The following LPA variants were observed in gnomAD, a reference collection of about 807,000 sequenced individuals.
LPA encodes apolipoprotein(a).
Under a neutral mutation model 197.9 loss-of-function variants are expected in LPA, and 199 were observed. The ratio of observed to expected loss-of-function variants is 1.01; its 90% CI spans 0.90 to 1.13. The LOEUF is 1.13. Among genes scored for constraint, LPA ranks in the 50% most tolerant of loss-of-function variants. The pLI is 0.00. For missense variants in LPA, 1,853 were observed against 1,785.8 expected (o/e 1.04, Z -0.68); for synonymous variants, 715 against 639.5 (o/e 1.12, Z -1.78).
chr6:160,564,047 G>A lies in LPA; in HGVS notation c.4632-6476C>T, dbSNP rs1176530921. Among the ~76,000 whole-genome samples, 3 of 152,050 alleles carry A rather than the reference G, an allele frequency of 2.0e-5. No individual in the cohort carries two copies. The South Asian group carries it at 6.2e-4, about 32-fold the overall frequency. Reference sequence around the variant, plus strand: ...TCCCAGTCTGTGTCTTTTAATTGGGGCATTTAGCCCATTTACATTTAAGGT... The same window carrying A: ...TCCCAGTCTGTGTCTTTTAATTGGGACATTTAGCCCATTTACATTTAAGGT... On this transcript the variant is annotated intron_variant, in intron 28 of 38. Coordinates refer to ENST00000316300, the MANE Select transcript of LPA (RefSeq NM_005577.4).
chr6:160,585,276 C>T (rs142226898), intron 25 of LPA, 71 bp from the exon 26 acceptor site: 1 of 1,432,694 alleles, frequency 7.0e-7, no homozygotes. Flanking sequence ...TTATGACACA[C>T]AAAGTGGAAT....
At chr6:160,583,687 G>A (rs1293659865) in intron 26 of LPA, among the ~76,000 whole-genome samples, 2 of 152,092 alleles carry the variant, frequency 1.3e-5, no homozygotes, top group African/African-American at 2.4e-5. Context: ...AGACTTCTGT[G>A]TGTATTCCTG....
At chr6:160,576,374 A>G (rs13208756) in intron 28 of LPA, among the ~76,000 whole-genome samples, 8 of 32,386 alleles carry the variant, frequency 2.5e-4, no homozygotes, top group South Asian at 1.3e-3. Context: ...ATACATATAT[A>G]TATATATATA....
intron 26 of LPA, among the ~76,000 whole-genome samples, chr6:160,583,832 G>A (rs1334300295): frequency 6.6e-6 from 1 of 152,104 alleles, no homozygotes; most frequent in Non-Finnish European, 1.5e-5. Context: ...AAAACTCTTT[G>A]CCCTTAAGTC....
At chr6:160,609,185 G>A (rs948569734) in intron 16 of LPA, among the ~76,000 whole-genome samples, 2 of 151,908 alleles carry the variant, frequency 1.3e-5, no homozygotes, top group East Asian at 3.9e-4. Context: ...CACCTCTGTT[G>A]CTACATAAGC....
At chr6:160,606,363 T>A in intron 17 of LPA, 114 bp downstream of exon 17, 1 of 1,454,288 alleles carries the variant, frequency 6.9e-7, no homozygotes, top group South Asian at 1.2e-5. Context: ...ATGACAGAAC[T>A]CAGTCAACAC....
At chr6:160,553,954 T>TGTGCGTGTGTGCGCGCGCGC (rs771903485) in intron 30 of LPA, among the ~76,000 whole-genome samples, 1 of 130,748 alleles carries the variant, frequency 7.6e-6, no homozygotes, top group African/African-American at 3.0e-5. Flanking sequence ...TGTGTGTGTG[T>TGTGCGTGTGTGCGCGCGCGC]GCGCGCGCGC....
intron 28 of LPA, among the ~76,000 whole-genome samples, chr6:160,558,112 G>C (rs968813079): frequency 6.6e-6 from 1 of 151,902 alleles, no homozygotes; most frequent in South Asian, 2.1e-4. Flanking sequence ...GTAGAGACAG[G>C]GTTTCACCGT....
intron 34 of LPA, among the ~76,000 whole-genome samples, chr6:160,542,352 T>C (rs1057057369): frequency 1.2e-4 from 19 of 152,208 alleles, no homozygotes; most frequent in African/African-American, 4.3e-4. Context: ...AAACTTCCCT[T>C]TCTTTTCATC....
intron 1 of LPA, among the ~76,000 whole-genome samples, chr6:160,654,080 ATTATATATAT>A (rs1780085074): frequency 2.3e-5 from 1 of 42,990 alleles, no homozygotes; most frequent in Non-Finnish European, 4.0e-5. Flanking sequence ...TATAATATAT[ATTATATATAT>A]TATATATAAT....
chr6:160,540,238 C>T, intron 35 of LPA, 55 bp from the exon 36 acceptor site: 1 of 1,610,792 alleles, frequency 6.2e-7, no homozygotes. Flanking sequence ...TTCAGGTATC[C>T]TCTGTGCCAT....
At chr6:160,560,036 G>A (rs527615030) in intron 28 of LPA, among the ~76,000 whole-genome samples, 20 of 152,102 alleles carry the variant, frequency 1.3e-4, no homozygotes, top group African/African-American at 4.8e-4. Context: ...GAGAACATAT[G>A]GTGTTTGGTT....
chr6:160,551,913 C>CTT (rs569721968), intron 30 of LPA, among the ~76,000 whole-genome samples: 115 of 129,306 alleles, frequency 8.9e-4, no homozygotes, highest in Middle Eastern at 3.9e-3. Context: ...AACACATATC[C>CTT]TTTTTTTTTT....
intron 1 of LPA, among the ~76,000 whole-genome samples, chr6:160,656,025 A>C (rs571620178): frequency 1.4e-3 from 213 of 152,374 alleles, no homozygotes; most frequent in Admixed American, 2.6e-3. Flanking sequence ...ACCAGGCACC[A>C]GGAGATGTGT....
chr6:160,602,631 G>C (rs1174344699), intron 18 of LPA, among the ~76,000 whole-genome samples: 1 of 152,132 alleles, frequency 6.6e-6, no homozygotes, highest in Non-Finnish European at 1.5e-5. Context: ...TCTTCTTCTA[G>C]CTAATTTTCT....
chr6:160,654,058 A>AATATATATT (rs1780079695), intron 1 of LPA, among the ~76,000 whole-genome samples: 1 of 6,528 alleles, frequency 1.5e-4, no homozygotes, highest in Admixed American at 4.1e-3. Flanking sequence ...ATAATATATT[A>AATATATATT]TATATATTAT....
At chr6:160,571,664 G>T (rs983008026) in intron 28 of LPA, among the ~76,000 whole-genome samples, 6 of 152,194 alleles carry the variant, frequency 3.9e-5, no homozygotes, top group Non-Finnish European at 5.9e-5. Flanking sequence ...TAGCGGTTTT[G>T]CTTACACTGT....
intron 16 of LPA, among the ~76,000 whole-genome samples, chr6:160,608,279 TC>T (rs1466253978): frequency 6.6e-6 from 1 of 152,120 alleles, no homozygotes; most frequent in East Asian, 1.9e-4. Context: ...TCTTACAGTT[TC>T]CGGTTTCTTT....
Position 160,537,963 on chromosome 6 carries a change from T to C in LPA, c.5736-2A>G, listed in dbSNP as rs201778278. 1.2e-6 allele frequency: 2 copies of C among 1,613,868 alleles called. No individual in the cohort carries two copies. On this transcript the variant is annotated splice_acceptor_variant, in intron 36 of 38. Transcript: ENST00000316300. LOFTEE classifies it high-confidence loss of function. The stretch of plus-strand genomic sequence containing the variant: ...ACTTTGTCAGTGATGACGGCAGGCC[T>C]GTAAGGAAAGTATTAGCAGTTATGT...
Sources: gnomAD v4.1 joint callset for allele counts (sites outside exome capture counted in the v4.1 genomes callset) on GRCh38, gnomAD v4.1.1 for gene constraint, MANE v1.5 for transcripts, NCBI Gene and HGNC (gene_info 2026-07-23, HGNC 2026-07-21) for gene names.